The following PASK variants were observed in gnomAD, a reference collection of about 807,000 sequenced individuals.
The protein encoded by PASK is PAS domain containing serine/threonine kinase.
In PASK, 110 loss-of-function variants were observed where a neutral mutation model predicts 121.0. The observed-to-expected ratio is 0.91, with a 90% CI of 0.78 to 1.06. The LOEUF is 1.06. Ranked by LOEUF, PASK falls within the 50% of genes least tolerant of loss-of-function variation. The pLI is 0.00. For synonymous variants in PASK, 686 were observed against 717.8 expected (o/e 0.96, Z 0.71); for missense variants, 1,643 against 1,702.3 (o/e 0.97, Z 0.61).
At chr2:241,150,098 C>T (rs2067214883), upstream of PASK, 2 of 1,262,214 alleles carry the variant, frequency 1.6e-6, no homozygotes. Context: ...CGGAAAGATC[C>T]GCCTGGCCCG....
chr2:241,115,308 C>T lies in PASK; in HGVS notation c.3178G>A (p.Glu1060Lys), dbSNP rs1275434712. 6.8e-6 allele frequency: 11 copies of T among 1,614,056 alleles called. No homozygotes were observed. Among genetic ancestry groups the T allele is most frequent in the African/African-American group, 1.3e-5 (1 of 75,004 alleles). ...TLEIAILSRV[E>K]HANIIKVLDI... ...ATCACCTTGATGATATTGGCGTGCT[C>T]CACCCTGGATAGAATTGCGATCTCT... The change falls in exon 13 of 18, where the codon GAG (glutamate) becomes AAG (lysine). Residue 1060 changes from glutamate to lysine, a missense_variant. By Grantham distance (56) the Glu-to-Lys change is moderately conservative. Coordinates refer to ENST00000234040, the MANE Select transcript of PASK (RefSeq NM_015148.4).
In PASK at chr2:241,112,261, G is replaced by A. The variant is rs377512534; in HGVS notation, c.3512C>T (p.Pro1171Leu). The A allele has an allele frequency of 2.5e-5, 41 of 1,613,438 alleles. No homozygotes were observed. Among genetic ancestry groups the A allele is most frequent in the African/African-American group, 6.7e-5 (5 of 74,834 alleles). The stretch of plus-strand genomic sequence containing the variant: ...GTACGGATTCCCCATGAGAACTTCC[G>A]GTGCACAGTACTCGATGGTCCCACA... ...TFCGTIEYCAPEVLMGNPYRG... is the reference protein window; with the variant it reads ...TFCGTIEYCALEVLMGNPYRG... Residue 1171 changes from proline to leucine, a missense_variant, in exon 15 of 18, where the codon CCG (proline) becomes CTG (leucine). Pro to Leu is a moderately conservative substitution (Grantham distance 98, BLOSUM62 -3). Transcript: ENST00000234040. This position sits in a 1 kb window ranked among gnomAD's most constrained non-coding sequence, Gnocchi z 5.2.
rs1264088457 is a variant in PASK, at chr2:241,126,672, A to G, written c.2243T>C (p.Phe748Ser). ...SFSWNLKELF[F>S]SDQTDQTSSN... The stretch of plus-strand genomic sequence containing the variant: ...TGACGTTTGGTCTGTCTGGTCACTG[A>G]AAAAGAGTTCCTTGAGGTTCCAGGA... The change falls in exon 10 of 18, where the codon TTC becomes TCC. Residue 748 changes from phenylalanine to serine, a missense_variant. By Grantham distance (155) the Phe-to-Ser change is radical. Coordinates refer to ENST00000234040, the MANE Select transcript of PASK (RefSeq NM_015148.4). 1 of 1,614,166 alleles carries G rather than the reference A, an allele frequency of 6.2e-7. No individual in the cohort carries two copies. Among genetic ancestry groups the G allele is most frequent in the South Asian group, 1.1e-5 (1 of 91,084 alleles).
chr2:241,147,415 C>G (rs564332260), intron 1 of PASK, among the ~76,000 whole-genome samples: 18 of 151,966 alleles, frequency 1.2e-4, no homozygotes, highest in Non-Finnish European at 2.5e-4. Flanking sequence ...CCCAGGAGTT[C>G]GAGATCAGCC....
chr2:241,135,172 G>A (rs1194828908), intron 8 of PASK, among the ~76,000 whole-genome samples: 1 of 152,218 alleles, frequency 6.6e-6, no homozygotes, highest in East Asian at 1.9e-4. Flanking sequence ...ATATGAAAGG[G>A]ACTCGGAGTA....
At chr2:241,124,461 C>A (rs977790468) in intron 10 of PASK, among the ~76,000 whole-genome samples, 1 of 152,218 alleles carries the variant, frequency 6.6e-6, no homozygotes, top group African/African-American at 2.4e-5. Context: ...GCAGACAACC[C>A]CCAACTCAGA....
At position 241,137,332 on chromosome 2, in the gene PASK, C is replaced by T. The variant is rs540849517; in HGVS notation, c.877-68G>A. The T allele has an allele frequency of 1.3e-4, 173 of 1,298,232 alleles. No homozygotes were observed. In the African/African-American group the frequency reaches 2.0e-3, roughly 15 times the overall value. 80.4% of individuals were successfully genotyped at this position (1,298,232 alleles called of 1,614,324 possible). On this transcript the variant is annotated intron_variant, in intron 6 of 17. Transcript: ENST00000234040. ...TGGACAGAGCACTGAGTCTGTGCTG[C>T]GTCCGACCCGACTTCTACCCCACGT... is the stretch of plus-strand genomic sequence containing the variant.
chr2:241,120,474 C>T (rs2065557252), intron 12 of PASK, among the ~76,000 whole-genome samples: 1 of 137,374 alleles, frequency 7.3e-6, no homozygotes, highest in East Asian at 2.9e-4. Context: ...GCCTGGGCGA[C>T]AAAGCAAGAC....
intron 11 of PASK, 22 bp from the exon 12 acceptor site, chr2:241,122,921 G>A (rs1484432228): frequency 1.3e-5 from 21 of 1,612,518 alleles, no homozygotes; most frequent in Non-Finnish European, 1.6e-5. Flanking sequence ...AAGAAGGTCT[G>A]TGGGGTCACA....
chr2:241,148,757 A>G (rs555838940), intron 1 of PASK, among the ~76,000 whole-genome samples: 1 of 152,322 alleles, frequency 6.6e-6, no homozygotes, highest in African/African-American at 2.4e-5. Flanking sequence ...AAGAAATTAT[A>G]AAGTCTTAAA....
chr2:241,132,421 G>A (rs80075267), intron 9 of PASK, among the ~76,000 whole-genome samples: 1 of 149,678 alleles, frequency 6.7e-6, no homozygotes. Flanking sequence ...GGAGGCTGAG[G>A]CAGGAGAATG....
intron 15 of PASK, chr2:241,109,902 T>C (rs1476086681): frequency 1.3e-5 from 2 of 152,262 alleles, no homozygotes; most frequent in Non-Finnish European, 2.9e-5. Context: ...AACTCTGTCA[T>C]GTAGGACAAA....
intron 9 of PASK, among the ~76,000 whole-genome samples, chr2:241,131,107 C>G (rs2125436890): frequency 1.3e-5 from 2 of 151,988 alleles, no homozygotes; most frequent in South Asian, 4.2e-4. Context: ...TTGCTTTTAC[C>G]ATTATTCTTC....
At position 241,140,580 on chromosome 2, in the gene PASK, G is replaced by A. The variant is rs1333811894; in HGVS notation, c.370C>T (p.Pro124Ser). 6.2e-7 allele frequency: 1 copy of A among 1,614,038 alleles called. No individual in the cohort carries two copies. Among genetic ancestry groups the A allele is most frequent in the African/African-American group, 1.3e-5 (1 of 74,926 alleles). Residue 124 changes from proline to serine, a missense_variant, in exon 3 of 18, where the codon CCG becomes TCG. Pro to Ser is a moderately conservative substitution (Grantham distance 74). This residue lies in a region of PASK where 1,176 missense variants were observed against 1,162.2 expected (regional missense o/e 1.01). Coordinates refer to ENST00000234040, the MANE Select transcript of PASK (RefSeq NM_015148.4). ...TTGTTAGGGTTGCACACAGGGGCCGGAAGCAGAGGTGAGGACCACCCTGAG... is the reference window on the plus strand; with the variant it reads ...TTGTTAGGGTTGCACACAGGGGCCGAAAGCAGAGGTGAGGACCACCCTGAG... ...LSSGWSSPLL[P>S]APVCNPNKAI... is the part of the protein sequence containing the mutation.
At chr2:241,120,900 C>T (rs1398898731) in intron 12 of PASK, among the ~76,000 whole-genome samples, 2 of 151,928 alleles carry the variant, frequency 1.3e-5, no homozygotes, top group African/African-American at 4.8e-5. Context: ...TTCCTAATGG[C>T]CAAAAAATGG....
chr2:241,118,420 C>CA (rs1256899351), intron 12 of PASK, among the ~76,000 whole-genome samples: 1 of 152,032 alleles, frequency 6.6e-6, no homozygotes, highest in African/African-American at 2.4e-5. Context: ...ACAAGGGTGC[C>CA]AAAAACCACT....
rs1365787982 is a variant in PASK, at chr2:241,112,216, G to T, written c.3533+24C>A. The T allele has an allele frequency of 1.3e-6, 2 of 1,586,100 alleles. No homozygotes were observed. Among genetic ancestry groups the T allele is most frequent in the East Asian group, 4.5e-5 (2 of 44,704 alleles). On this transcript the variant is annotated intron_variant, in intron 15 of 17. Transcript: ENST00000234040. The surrounding 1 kb of genome is among the most constrained non-coding windows in gnomAD (Gnocchi z 5.2). The stretch of plus-strand genomic sequence containing the variant: ...GTCCTGACAGAGGACACGAGGACGG[G>T]CCGCACCGCAGCCGCATACGTACGG...
At chr2:241,121,509 T>C (rs189451434) in intron 12 of PASK, among the ~76,000 whole-genome samples, 190 of 152,368 alleles carry the variant, frequency 1.2e-3, no homozygotes, top group African/African-American at 4.1e-3. Flanking sequence ...ATTTAGATTA[T>C]AGATTTAAAT....
chr2:241,139,906 A>G lies in PASK; in HGVS notation c.579T>C (p.Ala193=), dbSNP rs2125451234. The change falls in exon 4 of 18, where the codon GCT becomes GCC. Residue 193 remains alanine (A), a synonymous_variant. Coordinates refer to ENST00000234040, the MANE Select transcript of PASK (RefSeq NM_015148.4). Reference sequence around the variant, plus strand: ...TCACCACCGTGCCAAACACCACCGCAGCGTGGCCGTCGGCCTCCATGTGCT... The same window carrying G: ...TCACCACCGTGCCAAACACCACCGCGGCGTGGCCGTCGGCCTCCATGTGCT... The part of the protein sequence containing the change: ...SEEHMEADGH[A]AVVFGTVVDI... 6.2e-7 allele frequency: 1 copy of G among 1,614,184 alleles called. No individual in the cohort carries two copies. Among genetic ancestry groups the G allele is most frequent in the Non-Finnish European group, 8.5e-7 (1 of 1,180,006 alleles).
Sources: allele counts gnomAD v4.1 joint callset (sites outside exome capture counted in the v4.1 genomes callset), GRCh38; gene constraint gnomAD v4.1.1; regional missense constraint gnomAD v4.1.1; non-coding constraint Gnocchi (gnomAD v3.1); transcripts MANE v1.5; gene names NCBI Gene and HGNC (gene_info 2026-07-23, HGNC 2026-07-21).